AKAP3: variants seen among roughly 807,000 people sequenced by gnomAD.
AKAP3 encodes A-kinase anchor protein 3.
In AKAP3, 27 loss-of-function variants were observed where a neutral mutation model predicts 57.2. The observed-to-expected ratio is 0.47, with a 90% CI of 0.35 to 0.65. The LOEUF is 0.65. AKAP3 is among the 30% of genes least tolerant of loss of function. AKAP3 has a pLI of 0.01. For synonymous variants in AKAP3, 334 were observed against 392.3 expected (o/e 0.85, Z 1.76); for missense variants, 959 against 1,040.0 (o/e 0.92, Z 1.07).
At chr12:4,635,883 A>G in intron 4 of AKAP3, 2 of 682,130 alleles carry the variant, frequency 2.9e-6, no homozygotes, top group Non-Finnish European at 5.3e-6. Context: ...GCTAAGAACC[A>G]CCACTCTTAG....
At chr12:4,639,067 T>C (rs1054909822) in intron 3 of AKAP3, among the ~76,000 whole-genome samples, 6 of 152,242 alleles carry the variant, frequency 3.9e-5, no homozygotes, top group East Asian at 1.9e-4. Flanking sequence ...GCTGCTTTCA[T>C]TGATTCTCCT....
chr12:4,629,860 T>C (rs920150848), intron 4 of AKAP3, among the ~76,000 whole-genome samples: 1 of 152,204 alleles, frequency 6.6e-6, no homozygotes, highest in Admixed American at 6.5e-5. Context: ...ATATGTTAAA[T>C]GGCTTCCAAT....
In AKAP3 at chr12:4,627,949, A is replaced by G. The variant is rs767430945; in HGVS notation, c.953T>C (p.Leu318Pro). 6.8e-6 allele frequency: 11 copies of G among 1,614,014 alleles called. No individual in the cohort carries two copies. Among genetic ancestry groups the G allele is most frequent in the African/African-American group, 1.3e-5 (1 of 74,908 alleles). Residue 318 changes from leucine to proline, a missense_variant, in exon 5 of 6, where the codon CTG becomes CCG. Transcript: ENST00000228850. The stretch of plus-strand genomic sequence containing the variant: ...TGCATGCTTGAGCAGAACCTTCTTC[A>G]GTAGGATGGTGGCAATGGTTGTGTC... ...VKDTTIATILLKKVLLKHAKE... is the reference protein window; with the variant it reads ...VKDTTIATILPKKVLLKHAKE...
In AKAP3 at chr12:4,636,150, C is replaced by T. The variant is rs191247176; in HGVS notation, c.96+1951G>A. On this transcript the variant is annotated intron_variant, in intron 4 of 5. Transcript: ENST00000228850. ...TTGAGCCATAGGGTCTTGCTTGCGC[C>T]TCGATTAGCCATGTTCACATTTGAA... is the stretch of plus-strand genomic sequence containing the variant. 4.6e-3 allele frequency: 3,244 copies of T among 701,276 alleles called. 15 individuals are homozygous for T. Among genetic ancestry groups the T allele is most frequent in the Non-Finnish European group, 5.0e-3 (2,008 of 398,910 alleles). 43.4% of individuals were successfully genotyped at this position (701,276 alleles called of 1,614,324 possible). A position where few individuals can be genotyped will look rare whatever the true frequency, so the allele number is the denominator to read the frequency against.
chr12:4,640,856 A>T (rs1945628307), intron 3 of AKAP3, among the ~76,000 whole-genome samples: 1 of 152,094 alleles, frequency 6.6e-6, no homozygotes, highest in Non-Finnish European at 1.5e-5. Flanking sequence ...CGAAAATCTT[A>T]TTTCAATGGT....
Position 4,626,590 on chromosome 12 carries a change from T to A in AKAP3, c.2312A>T (p.Lys771Met), listed in dbSNP as rs747685637. ...CCATTGAAGGACGGCTTGGAGTTGCTTGTTCTGAACTGTGTCCGTTAGGTT... is the reference window on the plus strand; with the variant it reads ...CCATTGAAGGACGGCTTGGAGTTGCATGTTCTGAACTGTGTCCGTTAGGTT... ...NHNLTDTVQN[K>M]QLQAVLQWVA... Residue 771 changes from lysine (K) to methionine (M), a missense_variant, in exon 5 of 6, where the codon AAG (lysine) becomes ATG (methionine). Coordinates refer to ENST00000228850, the MANE Select transcript of AKAP3 (RefSeq NM_001278309.2). 2.5e-6 allele frequency: 4 copies of A among 1,614,214 alleles called. No individual in the cohort carries two copies. The highest frequency in any genetic ancestry group is 3.4e-6 in the Non-Finnish European group (4 of 1,180,018).
Position 4,615,549 on chromosome 12 carries a change from G to C in AKAP3, c.*190C>G. On this transcript the variant is annotated 3_prime_UTR_variant, in exon 6 of 6. Transcript: ENST00000228850. ...TGTAATTTTTTAATTTTACGTCCTT[G>C]CTTGCATGGACAGGAAAATCTGCAA... 3.2e-6 allele frequency: 2 copies of C among 623,626 alleles called. No individual in the cohort carries two copies. The highest frequency in any genetic ancestry group is 5.1e-6 in the Non-Finnish European group (2 of 391,846). The allele number at this position is 623,626 out of a possible 1,614,324, so 38.6% of individuals were successfully genotyped here.
chr12:4,634,279 C>T (rs879138358), intron 4 of AKAP3, among the ~76,000 whole-genome samples: 4 of 152,094 alleles, frequency 2.6e-5, no homozygotes, highest in African/African-American at 4.8e-5. Context: ...GTACATTGCT[C>T]GTTATGGTTC....
Position 4,625,791 on chromosome 12 carries a change from G to T in AKAP3, c.2406+705C>A, listed in dbSNP as rs915064969. ...TGGTCTTTTTAATTCCCGCACTTCA[G>T]TGTGAAGCATCTGGGGTAAGTGTGC... On this transcript the variant is annotated intron_variant, in intron 5 of 5. Transcript: ENST00000228850. This position sits in a 1 kb window ranked among gnomAD's most constrained non-coding sequence, Gnocchi z 5.4. Among the ~76,000 whole-genome samples the T allele has an allele frequency of 5.3e-5, 8 of 152,112 alleles. No homozygotes were observed. The highest frequency in any genetic ancestry group is 1.9e-4 in the African/African-American group (8 of 41,410).
intron 5 of AKAP3, among the ~76,000 whole-genome samples, chr12:4,620,473 T>TTA (rs1945333357): frequency 2.3e-4 from 5 of 21,446 alleles, no homozygotes; most frequent in Middle Eastern, 0.036. Flanking sequence ...CGAGACTGTC[T>TTA]CAAAAAAAAA....
At chr12:4,648,078 A>G (rs1234883537) in intron 1 of AKAP3, 1 of 152,260 alleles carries the variant, frequency 6.6e-6, no homozygotes, top group East Asian at 1.9e-4. Flanking sequence ...ACTGGTTGCC[A>G]TCTCCTACCC....
chr12:4,624,829 T>TATAA (rs1945392196), intron 5 of AKAP3, among the ~76,000 whole-genome samples: 1 of 151,840 alleles, frequency 6.6e-6, no homozygotes, highest in Admixed American at 6.6e-5. Context: ...TGTGTGTATA[T>TATAA]AAAAGTGGGG....
rs1201809384 is a variant in AKAP3 at position 4,626,941 on chromosome 12, G to A, written c.1961C>T (p.Thr654Ile). The change falls in exon 5 of 6, where the codon ACC becomes ATC. Residue 654 changes from threonine to isoleucine, a missense_variant. Transcript: ENST00000228850. ...ATCTATCTGGCTGACAGCCATCTTG[G>A]TCAGCCCAGAAAGGGCACCAGGGGT... ...DETPGALSGLTKMAVSQIDGH... is the reference protein window; with the variant it reads ...DETPGALSGLIKMAVSQIDGH... 1.2e-6 allele frequency: 2 copies of A among 1,614,044 alleles called. No homozygotes were observed. Among genetic ancestry groups the A allele is most frequent in the Admixed American group, 1.7e-5 (1 of 59,998 alleles).
intron 5 of AKAP3, among the ~76,000 whole-genome samples, chr12:4,620,150 C>T (rs913184649): frequency 2.6e-5 from 4 of 151,942 alleles, no homozygotes; most frequent in African/African-American, 9.7e-5. Flanking sequence ...AGTAGATGGA[C>T]AATTCAATGG....
At chr12:4,629,753 C>T (rs1010050803) in intron 4 of AKAP3, among the ~76,000 whole-genome samples, 4 of 152,050 alleles carry the variant, frequency 2.6e-5, no homozygotes, top group Non-Finnish European at 4.4e-5. Context: ...GTTTTTATTT[C>T]GATCTTATTA....
Position 4,627,823 on chromosome 12 carries a change from C to G in AKAP3, c.1079G>C (p.Arg360Thr), listed in dbSNP as rs1448887796. The change falls in exon 5 of 6, where the codon AGA (arginine) becomes ACA (threonine). Residue 360 changes from arginine (R) to threonine (T), a missense_variant. Transcript: ENST00000228850. ...TDTQFVSAVK[R>T]TVFSHGSQKA... ...TTGGCTTCCATGAGAGAAGACAGTTCTTTTCACAGCCGAGACAAACTGTGT... is the reference window on the plus strand; with the variant it reads ...TTGGCTTCCATGAGAGAAGACAGTTGTTTTCACAGCCGAGACAAACTGTGT... The G allele has an allele frequency of 1.2e-6, 2 of 1,614,118 alleles. No individual in the cohort carries two copies. Among genetic ancestry groups the G allele is most frequent in the Admixed American group, 1.7e-5 (1 of 60,020 alleles).
intron 5 of AKAP3, among the ~76,000 whole-genome samples, chr12:4,624,912 CAA>C (rs11335203): frequency 1.3e-5 from 2 of 151,576 alleles, no homozygotes; most frequent in Non-Finnish European, 2.9e-5. Context: ...CATTCCAATA[CAA>C]AAAAAGTCTA....
intron 4 of AKAP3, among the ~76,000 whole-genome samples, chr12:4,634,877 C>A (rs1374466635): frequency 2.0e-5 from 3 of 152,056 alleles, no homozygotes; most frequent in Admixed American, 6.5e-5. Flanking sequence ...AATACTGATA[C>A]CAGGAGAAAT....
Position 4,625,068 on chromosome 12 carries a change from C to T in AKAP3, c.2406+1428G>A, listed in dbSNP as rs75674522. Among the ~76,000 whole-genome samples, 2,050 of 152,124 alleles carry T rather than the reference C, an allele frequency of 0.013. 40 individuals carry two copies. The highest frequency in any genetic ancestry group is 0.047 in the African/African-American group (1,954 of 41,480). On this transcript the variant is annotated intron_variant, in intron 5 of 5. Transcript: ENST00000228850. The surrounding 1 kb of genome is among the most constrained non-coding windows in gnomAD (Gnocchi z 5.4). ...AGTTTAAATTTTCTTCAGCATATAG[C>T]CTCCCACTCCCCACCTCTACTAATT...
Sources: gnomAD v4.1 joint callset for allele counts (sites outside exome capture counted in the v4.1 genomes callset) on GRCh38, gnomAD v4.1.1 for gene constraint, Gnocchi (gnomAD v3.1) non-coding constraint, MANE v1.5 for transcripts, NCBI Gene and HGNC (gene_info 2026-07-23, HGNC 2026-07-21) for gene names.